The following SCLT1 variants were observed in gnomAD, a reference collection of about 807,000 sequenced individuals.
SCLT1 encodes the protein sodium channel-associated protein 1.
SCLT1 carries 78 observed loss-of-function variants against 112.8 expected under a neutral mutation model. The ratio of observed to expected loss-of-function variants is 0.69; its 90% CI spans 0.58 to 0.83. SCLT1 has a LOEUF of 0.83. Among genes scored for constraint, SCLT1 ranks in the 40% least tolerant of loss-of-function variants. The probability of loss-of-function intolerance (pLI) is 0.00; values close to 1 mark genes in which losing one functional copy is unlikely to be tolerated. For missense variants in SCLT1, 747 were observed against 770.4 expected (o/e 0.97, Z 0.36); for synonymous variants, 257 against 254.7 (o/e 1.01, Z -0.09).
chr4:129,045,786 T>G (rs1026218550), intron 2 of SCLT1, among the ~76,000 whole-genome samples: 1 of 152,062 alleles, frequency 6.6e-6, no homozygotes, highest in Non-Finnish European at 1.5e-5. Context: ...GCCTCTGAAT[T>G]CTAAACTTTC....
At chr4:128,932,953 C>A (rs1335678101) in intron 18 of SCLT1, among the ~76,000 whole-genome samples, 2 of 152,008 alleles carry the variant, frequency 1.3e-5, no homozygotes, top group Non-Finnish European at 2.9e-5. Context: ...TTTAAGAAGG[C>A]ACAAATAATT....
chr4:129,039,488 G>A (rs1304058455), intron 4 of SCLT1: 1 of 160,730 alleles, frequency 6.2e-6, no homozygotes, highest in East Asian at 1.8e-4. Context: ...GCCCATATAA[G>A]TATGTATATT....
At chr4:129,043,658 T>A (rs1747910365) in intron 3 of SCLT1, among the ~76,000 whole-genome samples, 191 bp from the exon 4 acceptor site, 1 of 152,224 alleles carries the variant, frequency 6.6e-6, no homozygotes, top group Non-Finnish European at 1.5e-5. Flanking sequence ...AAATTCTTTG[T>A]TGTGGGATGG....
chr4:129,035,651 A>G (rs1747115468), intron 5 of SCLT1, among the ~76,000 whole-genome samples: 1 of 152,174 alleles, frequency 6.6e-6, no homozygotes, highest in South Asian at 2.1e-4. Flanking sequence ...TAGTATCAGA[A>G]AATGCTGTAC....
chr4:129,072,629 G>A lies in SCLT1; in HGVS notation c.102+9677C>T, dbSNP rs116055902. Reference sequence around the variant, plus strand: ...CAGAGCATTTTGCATTTCTAAAAGTGTGTCCAAAGTCTCCCGAATTTTTTA... The same window carrying A: ...CAGAGCATTTTGCATTTCTAAAAGTATGTCCAAAGTCTCCCGAATTTTTTA... On this transcript the variant is annotated intron_variant, in intron 2 of 20. Coordinates refer to ENST00000281142, the MANE Select transcript of SCLT1 (RefSeq NM_144643.4). 9.6e-3 allele frequency among the ~76,000 whole-genome samples: 1,457 copies of A among 151,116 alleles called. 17 individuals are homozygous for A. The highest frequency in any genetic ancestry group is 0.028 in the African/African-American group (1,168 of 41,418).
At chr4:128,979,526 C>G (rs1741465359) in intron 9 of SCLT1, among the ~76,000 whole-genome samples, 1 of 152,110 alleles carries the variant, frequency 6.6e-6, no homozygotes, top group Admixed American at 6.6e-5. Flanking sequence ...AACTTCACGG[C>G]CTCCAGACTG....
chr4:129,084,677 A>G (rs1253563588), intron 1 of SCLT1, among the ~76,000 whole-genome samples: 2 of 152,204 alleles, frequency 1.3e-5, no homozygotes, highest in African/African-American at 2.4e-5. Context: ...AAACAGACAC[A>G]TAGGCCAATG....
intron 2 of SCLT1, among the ~76,000 whole-genome samples, chr4:129,058,509 T>A (rs1246318539): frequency 6.6e-6 from 1 of 152,204 alleles, no homozygotes; most frequent in Admixed American, 6.5e-5. Flanking sequence ...TTTCCATGTA[T>A]ATGTACAGTT....
At chr4:128,981,585 G>A (rs1250086668) in intron 9 of SCLT1, among the ~76,000 whole-genome samples, 1 of 151,938 alleles carries the variant, frequency 6.6e-6, no homozygotes, top group Non-Finnish European at 1.5e-5. Context: ...GCATTAAGAG[G>A]ACAGCTTCGA....
chr4:129,064,039 C>G (rs1750245287), intron 2 of SCLT1, among the ~76,000 whole-genome samples: 1 of 152,122 alleles, frequency 6.6e-6, no homozygotes, highest in Non-Finnish European at 1.5e-5. Flanking sequence ...TGGAACTTCT[C>G]TAGCCTTTAA....
chr4:129,058,270 T>C (rs1749629602), intron 2 of SCLT1, among the ~76,000 whole-genome samples: 1 of 152,190 alleles, frequency 6.6e-6, no homozygotes, highest in African/African-American at 2.4e-5. Flanking sequence ...CTATTTTTTG[T>C]GTTTGATTTG....
intron 6 of SCLT1, among the ~76,000 whole-genome samples, chr4:129,001,346 G>A (rs1381871151): frequency 6.6e-6 from 1 of 151,634 alleles, no homozygotes; most frequent in African/African-American, 2.4e-5. Context: ...TGGGGGGGTG[G>A]GGAGGCACAG....
intron 9 of SCLT1, chr4:128,971,722 T>C (rs1740702653): frequency 6.6e-6 from 1 of 151,954 alleles, no homozygotes; most frequent in Non-Finnish European, 1.5e-5. Context: ...TTAACCAAGA[T>C]TATAAAAAAA....
At chr4:128,943,270 A>T in intron 16 of SCLT1, 82 bp from the exon 17 acceptor site, 2 of 986,988 alleles carry the variant, frequency 2.0e-6, no homozygotes, top group Non-Finnish European at 2.9e-6. Context: ...ATTTTATCAC[A>T]TGGACTTTTG....
chr4:129,032,815 T>C (rs1358068766), intron 5 of SCLT1, among the ~76,000 whole-genome samples: 1 of 152,094 alleles, frequency 6.6e-6, no homozygotes, highest in African/African-American at 2.4e-5. Context: ...ATGGCAATCA[T>C]TAAAAAGCCA....
At chr4:128,980,196 C>T (rs1441262251) in intron 9 of SCLT1, among the ~76,000 whole-genome samples, 1 of 152,118 alleles carries the variant, frequency 6.6e-6, no homozygotes, top group Non-Finnish European at 1.5e-5. Context: ...TGAATCAAAA[C>T]TAGTGATCCA....
chr4:129,000,631 T>C (rs757336059), intron 6 of SCLT1, among the ~76,000 whole-genome samples: 1 of 152,022 alleles, frequency 6.6e-6, no homozygotes. Context: ...ATGGACTACA[T>C]GCTTATGCTC....
chr4:128,881,235 G>A (rs1732633114), downstream of SCLT1, among the ~76,000 whole-genome samples: 1 of 151,928 alleles, frequency 6.6e-6, no homozygotes. Context: ...AGGTAAACTA[G>A]ACAAACTTAA....
chr4:128,876,117 TG>T, intron 4 of SCLT1, among the ~76,000 whole-genome samples: 1 of 152,292 alleles, frequency 6.6e-6, no homozygotes, highest in Middle Eastern at 3.4e-3. Flanking sequence ...ACAGCAAAAC[TG>T]GTGTGAATTA....
Sources: allele counts gnomAD v4.1 joint callset (sites outside exome capture counted in the v4.1 genomes callset), GRCh38; gene constraint gnomAD v4.1.1; transcripts MANE v1.5; gene names NCBI Gene and HGNC (gene_info 2026-07-23, HGNC 2026-07-21).